The following KLHL11 variants were observed in gnomAD, a reference collection of about 807,000 sequenced individuals.
KLHL11 encodes kelch-like protein 11.
In KLHL11, 26 loss-of-function variants were observed where a neutral mutation model predicts 56.1. The observed-to-expected ratio is 0.46, with a 90% CI of 0.34 to 0.64. The LOEUF (loss-of-function observed/expected upper bound fraction) is 0.64, where lower values mean the gene tolerates loss of function less well. Ranked by LOEUF, KLHL11 falls within the 30% of genes least tolerant of loss-of-function variation. The probability of loss-of-function intolerance (pLI) is 0.01; values close to 1 mark genes in which losing one functional copy is unlikely to be tolerated. For synonymous variants in KLHL11, 338 were observed against 345.8 expected, an observed-to-expected ratio of 0.98 and a Z score of 0.25; for missense variants, 627 against 919.4, an observed-to-expected ratio of 0.68 and a Z score of 4.11.
In KLHL11 at chr17:41,855,299, CT is replaced by C. The variant is rs782080498; in HGVS notation, c.567del (p.Glu190AsnfsTer22). The part of the protein sequence containing the change: ...LADRFLLIRL[K>X]EFCGEFLKKK... The stretch of plus-strand genomic sequence containing the variant: ...TTCTTGAGAAATTCTCCACAAAATT[CT>C]TTTAAACGAATGAGTAGGAACCTAA... On this transcript the variant is annotated frameshift_variant, in exon 2 of 2. Transcript: ENST00000319121. LOFTEE classifies it high-confidence loss of function. The C allele has an allele frequency of 6.3e-7, 1 of 1,580,356 alleles. No homozygotes were observed. The highest frequency in any genetic ancestry group is 8.6e-7 in the Non-Finnish European group (1 of 1,160,372).
At chr17:41,858,129 T>C (rs548869336) in intron 1 of KLHL11, among the ~76,000 whole-genome samples, 1 of 152,018 alleles carries the variant, frequency 6.6e-6, no homozygotes, top group East Asian at 1.9e-4. Flanking sequence ...CACACTTTAT[T>C]TTCACTTTAA....
In KLHL11 at chr17:41,864,859, C is replaced by A; in HGVS notation, c.512G>T (p.Gly171Val). ...MYTGRIRVST[G>V]SVHEVLELAD... ...CAACTCCAGCACCTCGTGCACGCTG[C>A]CCGTGCTGACGCGGATGCGCCCGGT... Residue 171 changes from glycine to valine, a missense_variant, in exon 1 of 2, where the codon GGC becomes GTC. Coordinates refer to ENST00000319121, the MANE Select transcript of KLHL11 (RefSeq NM_018143.3). The A allele has an allele frequency of 6.4e-7, 1 of 1,560,792 alleles. No individual in the cohort carries two copies.
chr17:41,865,026 C>T lies in KLHL11; in HGVS notation c.345G>A (p.Leu115=), dbSNP rs1408431887. 7 of 1,591,964 alleles carry T rather than the reference C, an allele frequency of 4.4e-6. No individual in the cohort carries two copies. Among genetic ancestry groups the T allele is most frequent in the South Asian group, 2.2e-5 (2 of 88,934 alleles). Residue 115 remains leucine, a synonymous_variant, in exon 1 of 2, where the codon CTG becomes CTA. Coordinates refer to ENST00000319121, the MANE Select transcript of KLHL11 (RefSeq NM_018143.3). ...GREFRAHRSV[L]AAATEYFTPL... ...GCGTGAAGTACTCGGTGGCGGCAGC[C>T]AGTACCGAGCGGTGGGCCCGGAACT... is the stretch of plus-strand genomic sequence containing the variant.
chr17:41,865,290 C>G lies in KLHL11; in HGVS notation c.81G>C (p.Glu27Asp). 6.4e-7 allele frequency: 1 copy of G among 1,565,602 alleles called. No individual in the cohort carries two copies. Among genetic ancestry groups the G allele is most frequent in the Non-Finnish European group, 8.6e-7 (1 of 1,164,792 alleles). The stretch of plus-strand genomic sequence containing the variant: ...GTCCTGCCGAGCCGGCGGCGGCCGT[C>G]TCCATGCTCTCCATCTCCAGTACCT... ...SLQVLEMESMETAAAGSAGLA... is the reference protein window; with the variant it reads ...SLQVLEMESMDTAAAGSAGLA... Residue 27 changes from glutamate (E) to aspartate (D), a missense_variant, in exon 1 of 2, where the codon GAG (glutamate) becomes GAC (aspartate). Physicochemically the swap from Glu to Asp is conservative, Grantham distance 45. Coordinates refer to ENST00000319121, the MANE Select transcript of KLHL11 (RefSeq NM_018143.3).
Position 41,854,192 on chromosome 17 carries a change from A to AAC in KLHL11, c.1674_1675insGT (p.Tyr559ValfsTer14). ...TTGGGACAACATGATGCTGTCTGAT[A>AAC]AAAGTTTGAATTGACCACAGACATT... On this transcript the variant is annotated frameshift_variant, in exon 2 of 2. Transcript: ENST00000319121. LOFTEE classifies it high-confidence loss of function. This position sits in a 1 kb window ranked among gnomAD's most constrained non-coding sequence, Gnocchi z 4.9. 1 of 1,614,180 alleles carries AAC rather than the reference A, an allele frequency of 6.2e-7. No individual in the cohort carries two copies. The highest frequency in any genetic ancestry group is 8.5e-7 in the Non-Finnish European group (1 of 1,180,016).
chr17:41,858,948 C>T (rs2048385588), intron 1 of KLHL11, among the ~76,000 whole-genome samples: 1 of 152,124 alleles, frequency 6.6e-6, no homozygotes, highest in African/African-American at 2.4e-5. Context: ...CAGGCAGGAA[C>T]TTCTTTGGGG....
chr17:41,851,917 C>CAA lies in KLHL11; in HGVS notation c.*1821_*1822dup, dbSNP rs199666907. ...CAAAGTGGGACCCCATCCCCTGGCC[C>CAA]AAAAAAAAAAAAAAGTCAATTTGAG... is the stretch of plus-strand genomic sequence containing the variant. On this transcript the variant is annotated 3_prime_UTR_variant, in exon 2 of 2. Transcript: ENST00000319121. Among the ~76,000 whole-genome samples, 1 of 120,296 alleles carries CAA rather than the reference C, an allele frequency of 8.3e-6. No homozygotes were observed. Among genetic ancestry groups the CAA allele is most frequent in the African/African-American group, 3.1e-5 (1 of 32,110 alleles). 78.9% of individuals were successfully genotyped at this position (120,296 alleles called of 152,430 possible).
intron 1 of KLHL11, among the ~76,000 whole-genome samples, 165 bp from the exon 2 acceptor site, chr17:41,855,486 C>A (rs149539185): frequency 2.6e-5 from 4 of 152,282 alleles, no homozygotes; most frequent in African/African-American, 9.6e-5. Context: ...TCCAGCGATT[C>A]TCCTGCCTCA....
rs1191093598 is a variant in KLHL11 at position 41,849,804 on chromosome 17, A to G, written c.*3936T>C. ...ATGACTGACATTCTCAATATATACC[A>G]CTGATTTTTTTAAGCCATGGTGGGG... On this transcript the variant is annotated 3_prime_UTR_variant, in exon 2 of 2. Transcript: ENST00000319121. 6.6e-6 allele frequency: 1 copy of G among 152,176 alleles called. No individual in the cohort carries two copies. The highest frequency in any genetic ancestry group is 2.4e-5 in the African/African-American group (1 of 41,456). The allele number at this position is 152,176 out of a possible 1,614,324, so 9.4% of individuals were successfully genotyped here. A position where few individuals can be genotyped will look rare whatever the true frequency, so the allele number is the denominator to read the frequency against.
Position 41,849,377 on chromosome 17 carries a change from T to C in KLHL11, c.*4363A>G, listed in dbSNP as rs1042268490. ...TCAGCTCTCCTGTCTACATACAGTA[T>C]AGTGTTGACTTTAGAATTACAAAGC... On this transcript the variant is annotated 3_prime_UTR_variant, in exon 2 of 2. Coordinates refer to ENST00000319121, the MANE Select transcript of KLHL11 (RefSeq NM_018143.3). The C allele has an allele frequency of 2.0e-4, 31 of 152,180 alleles. No homozygotes were observed. The highest frequency in any genetic ancestry group is 7.2e-4 in the African/African-American group (30 of 41,444). The allele number at this position is 152,180 out of a possible 1,614,324, so 9.4% of individuals were successfully genotyped here. A position where few individuals can be genotyped will look rare whatever the true frequency, so the allele number is the denominator to read the frequency against.
At chr17:41,857,637 A>G (rs1241818711) in intron 1 of KLHL11, among the ~76,000 whole-genome samples, 4 of 152,054 alleles carry the variant, frequency 2.6e-5, no homozygotes, top group African/African-American at 9.7e-5. Flanking sequence ...TACATATATA[A>G]AAACACAAAA....
intron 1 of KLHL11, among the ~76,000 whole-genome samples, chr17:41,857,718 G>A (rs1347854623): frequency 6.6e-6 from 1 of 152,050 alleles, no homozygotes; most frequent in Non-Finnish European, 1.5e-5. Context: ...ATCACAGTGC[G>A]CTACAGCCCC....
rs1280856098 is a variant in KLHL11 at position 41,853,440 on chromosome 17, T to C, written c.*300A>G. The stretch of plus-strand genomic sequence containing the variant: ...GTAAGTCCTCAAGACAAAGGAGTCA[T>C]AACTCGTTGGCAGGAAAACAGCTAA... On this transcript the variant is annotated 3_prime_UTR_variant, in exon 2 of 2. Coordinates refer to ENST00000319121, the MANE Select transcript of KLHL11 (RefSeq NM_018143.3). 3.7e-6 allele frequency: 1 copy of C among 269,410 alleles called. No individual in the cohort carries two copies. Among genetic ancestry groups the C allele is most frequent in the Non-Finnish European group, 6.9e-6 (1 of 143,940 alleles). 16.7% of individuals were successfully genotyped at this position (269,410 alleles called of 1,614,324 possible).
Position 41,855,087 on chromosome 17 carries a change from A to G in KLHL11, c.780T>C (p.Val260=). 6.2e-7 allele frequency: 1 copy of G among 1,614,170 alleles called. No individual in the cohort carries two copies. The highest frequency in any genetic ancestry group is 8.5e-7 in the Non-Finnish European group (1 of 1,180,028). ...RDWLSDLEIT[V]DSEEVLFETV... is the part of the protein sequence containing the mutation. ...TTTCAAAGAGAACCTCTTCAGAATCAACTGTAATTTCCAAATCTGAAAGCC... is the reference window on the plus strand; with the variant it reads ...TTTCAAAGAGAACCTCTTCAGAATCGACTGTAATTTCCAAATCTGAAAGCC... The change falls in exon 2 of 2, where the codon GTT becomes GTC. Residue 260 remains valine (V), a synonymous_variant. Transcript: ENST00000319121.
chr17:41,863,876 C>T (rs2048420535), intron 1 of KLHL11, among the ~76,000 whole-genome samples: 1 of 148,552 alleles, frequency 6.7e-6, no homozygotes, highest in African/African-American at 2.5e-5. Flanking sequence ...TTTCTATGTA[C>T]TCCCCCCATG....
At position 41,851,453 on chromosome 17, in the gene KLHL11, T is replaced by C. The variant is rs550777126; in HGVS notation, c.*2287A>G. The stretch of plus-strand genomic sequence containing the variant: ...CCCATCTCTATTAAAAATACAAAAA[T>C]TAGCCGGGCGTGGTGGTACACACCT... On this transcript the variant is annotated 3_prime_UTR_variant, in exon 2 of 2. Coordinates refer to ENST00000319121, the MANE Select transcript of KLHL11 (RefSeq NM_018143.3). 1 of 151,032 alleles carries C rather than the reference T, an allele frequency of 6.6e-6. No individual in the cohort carries two copies. Among genetic ancestry groups the C allele is most frequent in the African/African-American group, 2.4e-5 (1 of 41,086 alleles). 9.4% of individuals were successfully genotyped at this position (151,032 alleles called of 1,614,324 possible).
chr17:41,848,521 A>T lies in KLHL11; in HGVS notation c.*5219T>A, dbSNP rs2048313271. 2 of 512,926 alleles carry T rather than the reference A, an allele frequency of 3.9e-6. No individual in the cohort carries two copies. Among genetic ancestry groups the T allele is most frequent in the Non-Finnish European group, 6.9e-6 (2 of 291,150 alleles). 31.8% of individuals were successfully genotyped at this position (512,926 alleles called of 1,614,324 possible). A position where few individuals can be genotyped will look rare whatever the true frequency, so the allele number is the denominator to read the frequency against. The stretch of plus-strand genomic sequence containing the variant: ...AAGTCACACAGTACAAACCAGCTTT[A>T]AAGAAATATGTTTATTTAAAACTTA... On this transcript the variant is annotated 3_prime_UTR_variant, in exon 2 of 2. Coordinates refer to ENST00000319121, the MANE Select transcript of KLHL11 (RefSeq NM_018143.3).
In KLHL11 at chr17:41,852,115, G is replaced by A. The variant is rs1447463647; in HGVS notation, c.*1625C>T. On this transcript the variant is annotated 3_prime_UTR_variant, in exon 2 of 2. Coordinates refer to ENST00000319121, the MANE Select transcript of KLHL11 (RefSeq NM_018143.3). ...TTCAGCCTCAACCTTCCCAGGCTCT[G>A]GTGATCCTCCCACCTTGGCTTCAAG... 6.6e-6 allele frequency among the ~76,000 whole-genome samples: 1 copy of A among 152,008 alleles called. No homozygotes were observed. The highest frequency in any genetic ancestry group is 1.5e-5 in the Non-Finnish European group (1 of 67,998).
At chr17:41,857,471 T>C (rs1255434663) in intron 1 of KLHL11, among the ~76,000 whole-genome samples, 1 of 147,480 alleles carries the variant, frequency 6.8e-6, no homozygotes, top group Non-Finnish European at 1.5e-5. Context: ...CGCACCACTG[T>C]ACTCCAGCCT....
Sources: allele counts gnomAD v4.1 joint callset (sites outside exome capture counted in the v4.1 genomes callset), GRCh38; gene constraint gnomAD v4.1.1; non-coding constraint Gnocchi (gnomAD v3.1); transcripts MANE v1.5; gene names NCBI Gene and HGNC (gene_info 2026-07-23, HGNC 2026-07-21).